Variants in SRP54 observed in about 807,000 individuals in gnomAD.
The protein encoded by SRP54 is signal recognition particle subunit SRP54.
SRP54 carries 10 observed loss-of-function variants against 64.8 expected under a neutral mutation model. The observed-to-expected ratio is 0.15, with a 90% confidence interval of 0.10 to 0.26. The LOEUF is 0.26. Ranked by LOEUF, SRP54 falls within the 10% of genes least tolerant of loss-of-function variation. The probability of loss-of-function intolerance (pLI) is 1.00; values close to 1 mark genes in which losing one functional copy is unlikely to be tolerated. For synonymous variants in SRP54, 193 were observed against 185.6 expected, an observed-to-expected ratio of 1.04 and a Z score of -0.32; for missense variants, 325 against 613.7, an observed-to-expected ratio of 0.53 and a Z score of 4.97.
chr14:34,991,117 T>TA (rs1224226579), intron 1 of SRP54, among the ~76,000 whole-genome samples: 5 of 129,484 alleles, frequency 3.9e-5, no homozygotes, highest in Non-Finnish European at 8.4e-5. Context: ...TTCTTTTTTT[T>TA]TTTTTTTTTT....
intron 15 of SRP54, 91 bp downstream of exon 15, chr14:35,028,274 A>G (rs1470296624): frequency 1.3e-6 from 1 of 778,998 alleles, no homozygotes; most frequent in Non-Finnish European, 2.0e-6. Context: ...TATTATGAAA[A>G]TATGTTCAAA....
rs117179461 is a variant in SRP54 at position 35,023,829 on chromosome 14, C to G, written c.1327+749C>G. 3.7e-4 allele frequency among the ~76,000 whole-genome samples: 56 copies of G among 150,466 alleles called. No individual in the cohort carries two copies. The East Asian group carries it at 0.01, about 27-fold the overall frequency. ...ACACACACACACACACACACTTCTTCTGAGTAATACTGTTTAAGTTATGCA... is the reference window on the plus strand; with the variant it reads ...ACACACACACACACACACACTTCTTGTGAGTAATACTGTTTAAGTTATGCA... On this transcript the variant is annotated intron_variant, in intron 14 of 15. Transcript: ENST00000216774.
At chr14:34,987,230 GAA>G (rs199590717) in intron 1 of SRP54, among the ~76,000 whole-genome samples, 143 of 124,292 alleles carry the variant, frequency 1.2e-3, no homozygotes, top group Admixed American at 4.8e-3. Context: ...CACTACATCT[GAA>G]AAAAAAAAAA....
intron 4 of SRP54, among the ~76,000 whole-genome samples, chr14:35,002,423 C>T (rs1038106822): frequency 6.6e-6 from 1 of 151,802 alleles, no homozygotes; most frequent in Non-Finnish European, 1.5e-5. Context: ...CATTTTTCCC[C>T]CACATTGTTT....
At chr14:35,008,945 G>T in intron 7 of SRP54, 114 bp downstream of exon 7, 1 of 795,218 alleles carries the variant, frequency 1.3e-6, no homozygotes. Context: ...GGGGTGCAAT[G>T]GTGCGATCTT....
chr14:34,997,067 G>A, intron 2 of SRP54: 1 of 320,404 alleles, frequency 3.1e-6, no homozygotes, highest in Non-Finnish European at 5.8e-6. Flanking sequence ...TTTGAAAGTG[G>A]CTTAAATCTG....
chr14:35,014,847 A>G lies in SRP54; in HGVS notation c.973+17A>G, dbSNP rs750646545. ...TGAAACATGGTATATGAGTGACAAA[A>G]AAGCACTTCATCTCAGATTTCTTCC... On this transcript the variant is annotated intron_variant, in intron 11 of 15. Transcript: ENST00000216774. The G allele has an allele frequency of 1.9e-6, 3 of 1,567,250 alleles. No homozygotes were observed. Among genetic ancestry groups the G allele is most frequent in the African/African-American group, 1.4e-5 (1 of 73,222 alleles).
At chr14:34,997,814 T>C (rs948348809) in intron 2 of SRP54, among the ~76,000 whole-genome samples, 1 of 152,234 alleles carries the variant, frequency 6.6e-6, no homozygotes, top group Non-Finnish European at 1.5e-5. Flanking sequence ...GGGCTTTTTC[T>C]AATACTGCTT....
At chr14:35,002,435 A>C (rs1242813847) in intron 4 of SRP54, among the ~76,000 whole-genome samples, 1 of 151,228 alleles carries the variant, frequency 6.6e-6, no homozygotes, top group African/African-American at 2.4e-5. Context: ...ACATTGTTTG[A>C]ATATTTTCTT....
intron 1 of SRP54, among the ~76,000 whole-genome samples, chr14:34,984,070 TGGTGC>T (rs2043854092): frequency 6.6e-6 from 1 of 152,316 alleles, no homozygotes; most frequent in South Asian, 2.1e-4. Flanking sequence ...ACAGCAATCG[TGGTGC>T]CAAAGGGGAG....
At chr14:35,010,427 C>CA (rs746097259) in intron 7 of SRP54, among the ~76,000 whole-genome samples, 8 of 151,952 alleles carry the variant, frequency 5.3e-5, no homozygotes, top group Non-Finnish European at 1.0e-4. Flanking sequence ...CCATGGGCAA[C>CA]AAGAGCAAAA....
chr14:35,011,585 A>G lies in SRP54; in HGVS notation c.562A>G (p.Ile188Val), dbSNP rs1229763852. Reference sequence around the variant, plus strand: ...TAAAAATGAAAATTTTGAAATTATTATTGTTGATACAAGTGGCCGCCACAA... The same window carrying G: ...TAAAAATGAAAATTTTGAAATTATTGTTGTTGATACAAGTGGCCGCCACAA... ...KFKNENFEII[I>V]VDTSGRHKQE... Residue 188 changes from isoleucine (I) to valine (V), a missense_variant, in exon 8 of 16, where the codon ATT becomes GTT. By Grantham distance (29) the Ile-to-Val change is conservative (BLOSUM62 3). Transcript: ENST00000216774. 6.3e-7 allele frequency: 1 copy of G among 1,593,114 alleles called. No homozygotes were observed. Among genetic ancestry groups the G allele is most frequent in the Non-Finnish European group, 8.6e-7 (1 of 1,167,038 alleles).
chr14:35,006,631 G>C (rs932973077), intron 4 of SRP54, among the ~76,000 whole-genome samples: 3 of 152,120 alleles, frequency 2.0e-5, no homozygotes, highest in Non-Finnish European at 4.4e-5. Context: ...TAAAATTCAT[G>C]TGTAGCCTTC....
chr14:34,985,557 G>A (rs533757813), intron 1 of SRP54, among the ~76,000 whole-genome samples: 2 of 152,278 alleles, frequency 1.3e-5, no homozygotes, highest in Admixed American at 6.5e-5. Flanking sequence ...TGGAGTATGG[G>A]TAGTGCATGT....
chr14:34,989,244 G>A (rs1364510957), intron 1 of SRP54, among the ~76,000 whole-genome samples: 2 of 152,156 alleles, frequency 1.3e-5, no homozygotes, highest in Admixed American at 6.6e-5. Context: ...GCTCATGCCT[G>A]TCTATAATCC....
chr14:34,987,279 A>G (rs1229651544), intron 1 of SRP54, among the ~76,000 whole-genome samples: 80 of 121,812 alleles, frequency 6.6e-4, no homozygotes, highest in African/African-American at 2.0e-3. Context: ...GTGTGTGTAT[A>G]TATATATACA....
rs201139424 is a variant in SRP54, at chr14:35,000,293, C to T, written c.171-643C>T. Among the ~76,000 whole-genome samples the T allele has an allele frequency of 7.2e-5, 11 of 152,110 alleles. No individual in the cohort carries two copies. The East Asian group carries it at 1.7e-3, about 24-fold the overall frequency. On this transcript the variant is annotated intron_variant, in intron 3 of 15. Transcript: ENST00000216774. ...TTTAGACATAGAGGAAGTAGCCGGG[C>T]GCAGTAGCTCACGCCTGTAATCCCA... is the stretch of plus-strand genomic sequence containing the variant.
intron 14 of SRP54, among the ~76,000 whole-genome samples, chr14:35,027,282 G>A (rs890325300): frequency 1.3e-4 from 20 of 151,840 alleles, no homozygotes; most frequent in Non-Finnish European, 2.2e-4. Flanking sequence ...TGCCAGCCTC[G>A]GCCTCCCAGA....
intron 14 of SRP54, among the ~76,000 whole-genome samples, chr14:35,026,959 A>G (rs1361253253): frequency 1.3e-5 from 2 of 151,810 alleles, no homozygotes; most frequent in South Asian, 4.2e-4. Flanking sequence ...AAAACAAAAC[A>G]AAAAAAACTT....
Sources: allele counts gnomAD v4.1 joint callset (sites outside exome capture counted in the v4.1 genomes callset), GRCh38; gene constraint gnomAD v4.1.1; transcripts MANE v1.5; gene names NCBI Gene and HGNC (gene_info 2026-07-23, HGNC 2026-07-21).